Variants in PCIF1 observed in about 807,000 individuals in gnomAD.
PCIF1 encodes mRNA (2'-O-methyladenosine-N(6)-)-methyltransferase.
Under a neutral mutation model 86.9 loss-of-function variants are expected in PCIF1, and 12 were observed. That is an observed-to-expected ratio of 0.14 (90% confidence interval 0.09 to 0.22). PCIF1 has a LOEUF of 0.22. Ranked by LOEUF, PCIF1 falls within the 10% of genes least tolerant of loss-of-function variation. The pLI is 1.00. For synonymous variants in PCIF1, 397 were observed against 372.0 expected (o/e 1.07, Z -0.77); for missense variants, 701 against 951.1 (o/e 0.74, Z 3.46).
intron 1 of PCIF1, 99 bp downstream of exon 1, chr20:45,934,903 G>T (rs1399347913): frequency 2.5e-6 from 1 of 397,272 alleles, no homozygotes; most frequent in Non-Finnish European, 4.4e-6. Context: ...TTCTGCTCGG[G>T]ACTGCCGCTT....
Position 45,947,010 on chromosome 20 carries a change from C to T in PCIF1, c.1614-63C>T, listed in dbSNP as rs1273738122. 1.4e-6 allele frequency: 2 copies of T among 1,415,678 alleles called. No individual in the cohort carries two copies. The allele number at this position is 1,415,678 out of a possible 1,614,324, so 87.7% of individuals were successfully genotyped here. A position where few individuals can be genotyped will look rare whatever the true frequency, so the allele number is the denominator to read the frequency against. On this transcript the variant is annotated intron_variant, in intron 14 of 16. Transcript: ENST00000372409. The surrounding 1 kb of genome is among the most constrained non-coding windows in gnomAD (Gnocchi z 5.4). ...GTGGCTGCCTAGGGTTGGGGGGTGG[C>T]ACCTGTTTCTGGTTGAGGGACTGGG...
At position 45,946,279 on chromosome 20, in the gene PCIF1, G is replaced by A. The variant is rs765965052; in HGVS notation, c.1508G>A (p.Arg503Gln). 21 of 1,614,016 alleles carry A rather than the reference G, an allele frequency of 1.3e-5. No individual in the cohort carries two copies. Among genetic ancestry groups the A allele is most frequent in the East Asian group, 2.2e-5 (1 of 44,898 alleles). ...LPVHVFEALH[R>Q]LFGVSFECFA... ...GTGCATGTCTTTGAGGCCCTCCACC[G>A]ACTCTTTGGCGTCAGCTTCGAGTGC... The change falls in exon 14 of 17, where the codon CGA (arginine) becomes CAA (glutamine). Residue 503 changes from arginine (R) to glutamine (Q), a missense_variant. Around this residue, in one of 7 missense-constraint regions of PCIF1, gnomAD observed 61 missense variants for 118.5 expected, o/e 0.51. Coordinates refer to ENST00000372409, the MANE Select transcript of PCIF1 (RefSeq NM_022104.4).
At chr20:45,940,997 C>A in intron 6 of PCIF1, 56 bp from the exon 7 acceptor site, 2 of 1,614,062 alleles carry the variant, frequency 1.2e-6, no homozygotes, top group Non-Finnish European at 1.7e-6. Flanking sequence ...CTGTCTGGGA[C>A]TGTGGGGTGG....
chr20:45,939,995 G>A (rs1300531905), intron 4 of PCIF1, among the ~76,000 whole-genome samples: 1 of 152,198 alleles, frequency 6.6e-6, no homozygotes, highest in African/African-American at 2.4e-5. Context: ...AGGCAGAGCA[G>A]GACGCACACC....
intron 1 of PCIF1, among the ~76,000 whole-genome samples, chr20:45,936,729 G>A (rs2083429751): frequency 6.6e-6 from 1 of 151,760 alleles, no homozygotes; most frequent in Non-Finnish European, 1.5e-5. Context: ...TCAGAAGTTC[G>A]AGACCAGCCT....
At chr20:45,938,398 CCTT>C (rs1187612091) in intron 2 of PCIF1, among the ~76,000 whole-genome samples, 19 of 152,178 alleles carry the variant, frequency 1.2e-4, no homozygotes, top group Admixed American at 1.1e-3. Flanking sequence ...AATCCCATCT[CCTT>C]CTGGGAGTTG....
chr20:45,939,408 C>T, intron 4 of PCIF1, 69 bp downstream of exon 4: 2 of 1,596,662 alleles, frequency 1.3e-6, no homozygotes, highest in South Asian at 2.2e-5. Flanking sequence ...CCAAATGTAC[C>T]CTGAGCAGCC....
rs1283983508 is a variant in PCIF1 at position 45,947,051 on chromosome 20, G to C, written c.1614-22G>C. ...AGGGACTGGGTCCTGATGGGACTTA[G>C]AATGCTCACTCCTGTCCCCAGGCCC... On this transcript the variant is annotated intron_variant, in intron 14 of 16. Coordinates refer to ENST00000372409, the MANE Select transcript of PCIF1 (RefSeq NM_022104.4). The surrounding 1 kb of genome is among the most constrained non-coding windows in gnomAD (Gnocchi z 5.4). 1.1e-5 allele frequency: 17 copies of C among 1,585,616 alleles called. No homozygotes were observed. The highest frequency in any genetic ancestry group is 2.3e-5 in the East Asian group (1 of 44,388).
chr20:45,946,982 A>G (rs1600510756), intron 14 of PCIF1, 91 bp from the exon 15 acceptor site: 3 of 1,057,964 alleles, frequency 2.8e-6, no homozygotes, highest in Admixed American at 2.1e-5. Flanking sequence ...CCATCTCTTC[A>G]GTGTGGCTGC....
rs1372233186 is a variant in PCIF1, at chr20:45,944,982, C to T, written c.1120C>T (p.Arg374Trp). 1.9e-6 allele frequency: 3 copies of T among 1,613,908 alleles called. No homozygotes were observed. Among genetic ancestry groups the T allele is most frequent in the Non-Finnish European group, 8.5e-7 (1 of 1,179,910 alleles). Reference sequence around the variant, plus strand: ...CCACATCTCCCTGGAGTACGTCAAACGGATCCGAGAGAAGCACCTTGCCAT... The same window carrying T: ...CCACATCTCCCTGGAGTACGTCAAATGGATCCGAGAGAAGCACCTTGCCAT... ...IYHISLEYVK[R>W]IREKHLAILK... The change falls in exon 11 of 17, where the codon CGG (arginine) becomes TGG (tryptophan). Residue 374 changes from arginine to tryptophan, a missense_variant. Transcript: ENST00000372409.
At position 45,947,085 on chromosome 20, in the gene PCIF1, C is replaced by T. The variant is rs2083535791; in HGVS notation, c.1626C>T (p.Asp542=). 7 of 1,611,652 alleles carry T rather than the reference C, an allele frequency of 4.3e-6. No homozygotes were observed. The highest frequency in any genetic ancestry group is 2.2e-5 in the East Asian group (1 of 44,798). Residue 542 remains aspartate, a synonymous_variant, in exon 15 of 17, where the codon GAC becomes GAT. Coordinates refer to ENST00000372409, the MANE Select transcript of PCIF1 (RefSeq NM_022104.4). The surrounding 1 kb of genome is among the most constrained non-coding windows in gnomAD (Gnocchi z 5.4). ...GYFGSRGPCL[D]FAPLSGSFEA... ...CTCCTGTCCCCAGGCCCTGCCTAGA[C>T]TTTGCTCCACTGAGTGGTTCATTTG... is the stretch of plus-strand genomic sequence containing the variant.
chr20:45,938,322 A>G (rs1035214575), intron 2 of PCIF1, among the ~76,000 whole-genome samples: 1 of 152,226 alleles, frequency 6.6e-6, no homozygotes, highest in African/African-American at 2.4e-5. Context: ...AAGGTGACCA[A>G]TTAGATTCCA....
At chr20:45,942,607 G>A (rs1248341815) in intron 7 of PCIF1, among the ~76,000 whole-genome samples, 4 of 151,736 alleles carry the variant, frequency 2.6e-5, no homozygotes, top group East Asian at 1.9e-4. Flanking sequence ...GAGCCACTGC[G>A]CCCAGCCTTT....
rs1482856880 is a variant in PCIF1, at chr20:45,946,109, G to A, written c.1422G>A (p.Arg474=). 6.8e-6 allele frequency: 11 copies of A among 1,614,160 alleles called. No individual in the cohort carries two copies. The highest frequency in any genetic ancestry group is 9.3e-6 in the Non-Finnish European group (11 of 1,180,028). Residue 474 remains arginine, a synonymous_variant, in exon 13 of 17, where the codon CGG becomes CGA. Coordinates refer to ENST00000372409, the MANE Select transcript of PCIF1 (RefSeq NM_022104.4). The part of the protein sequence containing the change: ...FLPRVWCLLR[R]YQMMFGVGLY... Reference sequence around the variant, plus strand: ...CCCGGGTCTGGTGTCTTCTCCGACGGTACCAGGTACAGGCCTGGGGCAGCA... The same window carrying A: ...CCCGGGTCTGGTGTCTTCTCCGACGATACCAGGTACAGGCCTGGGGCAGCA...
intron 1 of PCIF1, among the ~76,000 whole-genome samples, chr20:45,936,882 C>G (rs770256019): frequency 1.2e-4 from 19 of 152,310 alleles, no homozygotes; most frequent in East Asian, 1.9e-4. Flanking sequence ...GAGTCGAGAT[C>G]GTGCAATGCA....
chr20:45,936,508 T>C (rs1371665881), intron 1 of PCIF1, among the ~76,000 whole-genome samples: 1 of 150,800 alleles, frequency 6.6e-6, no homozygotes, highest in African/African-American at 2.4e-5. Context: ...TTTTAAGAGA[T>C]GAGGTCTTGC....
intron 1 of PCIF1, among the ~76,000 whole-genome samples, chr20:45,936,900 C>T (rs958053217): frequency 6.6e-6 from 1 of 152,216 alleles, no homozygotes; most frequent in East Asian, 1.9e-4. Flanking sequence ...GCACTCCAGC[C>T]TGGGTGATGG....
At chr20:45,937,837 T>C (rs2083439502) in intron 2 of PCIF1, 1 of 351,042 alleles carries the variant, frequency 2.8e-6, no homozygotes, top group Admixed American at 4.7e-5. Context: ...GGAAGACGTC[T>C]ATGATGGAGT....
Position 45,947,860 on chromosome 20 carries a change from T to C in PCIF1, c.*105T>C. On this transcript the variant is annotated 3_prime_UTR_variant, in exon 17 of 17. Coordinates refer to ENST00000372409, the MANE Select transcript of PCIF1 (RefSeq NM_022104.4). This position sits in a 1 kb window ranked among gnomAD's most constrained non-coding sequence, Gnocchi z 5.4. ...CCCGGCTGCCACTGACATATGAAGA[T>C]TATGGTTCTGCCAGGGCTCCCCTCC... 1.3e-6 allele frequency: 2 copies of C among 1,535,558 alleles called. No individual in the cohort carries two copies. Among genetic ancestry groups the C allele is most frequent in the Non-Finnish European group, 1.7e-6 (2 of 1,149,938 alleles).
Sources: gnomAD v4.1 joint callset for allele counts (sites outside exome capture counted in the v4.1 genomes callset) on GRCh38, gnomAD v4.1.1 for gene constraint, gnomAD v4.1.1 regional missense constraint, Gnocchi (gnomAD v3.1) non-coding constraint, MANE v1.5 for transcripts, NCBI Gene and HGNC (gene_info 2026-07-23, HGNC 2026-07-21) for gene names.